PCNT: variants seen among roughly 807,000 people sequenced by gnomAD.
PCNT encodes pericentrin.
In PCNT, 319 loss-of-function variants were observed where a neutral mutation model predicts 380.4. That is an observed-to-expected ratio of 0.84 (90% CI 0.77 to 0.92). The LOEUF (loss-of-function observed/expected upper bound fraction) is 0.92. Among genes scored for constraint, PCNT ranks in the 40% least tolerant of loss-of-function variants. PCNT has a pLI of 0.00. For missense variants in PCNT, 4,400 were observed against 4,255.3 expected (o/e 1.03, Z -0.95); for synonymous variants, 1,845 against 1,735.2 (o/e 1.06, Z -1.57).
In PCNT at chr21:46,346,956, C is replaced by G. The variant is rs572076735; in HGVS notation, c.934C>G (p.Arg312Gly). The G allele has an allele frequency of 3.1e-6, 5 of 1,596,716 alleles. No individual in the cohort carries two copies. The highest frequency in any genetic ancestry group is 1.1e-5 in the South Asian group (1 of 87,960). The part of the protein sequence containing the change: ...ELELLREQHA[R>G]EKEEVVLRCG... ...GGAGCTCCTCAGGGAGCAGCACGCACGGGAGAAGGAGGAGGTGGTGCTCAG... is the reference window on the plus strand; with the variant it reads ...GGAGCTCCTCAGGGAGCAGCACGCAGGGGAGAAGGAGGAGGTGGTGCTCAG... Residue 312 changes from arginine (R) to glycine (G), a missense_variant, in exon 5 of 47, where the codon CGG becomes GGG. Physicochemically the swap from Arg to Gly is moderately radical, Grantham distance 125 (BLOSUM62 -2). Coordinates refer to ENST00000359568, the MANE Select transcript of PCNT (RefSeq NM_006031.6).
intron 42 of PCNT, among the ~76,000 whole-genome samples, 185 bp from the exon 43 acceptor site, chr21:46,440,670 A>G (rs943485925): frequency 6.6e-6 from 1 of 152,226 alleles, no homozygotes; most frequent in Non-Finnish European, 1.5e-5. Context: ...GACAAACACA[A>G]ATTGATCTTC....
chr21:46,406,150 C>G (rs540527957), intron 27 of PCNT, among the ~76,000 whole-genome samples: 14 of 152,328 alleles, frequency 9.2e-5, no homozygotes, highest in Admixed American at 8.5e-4. Context: ...GGAAACGGAG[C>G]TCCCGTCTCC....
intron 27 of PCNT, among the ~76,000 whole-genome samples, chr21:46,403,545 G>T (rs112575998): frequency 2.2e-5 from 3 of 135,480 alleles, no homozygotes; most frequent in Admixed American, 7.3e-5. Flanking sequence ...TGAACACAGC[G>T]TGGGAGAATT....
intron 5 of PCNT, 21 bp from the exon 6 acceptor site, chr21:46,347,435 CT>C (rs778209626): frequency 6.2e-6 from 10 of 1,613,614 alleles, no homozygotes; most frequent in Admixed American, 5.0e-5. Flanking sequence ...GTGGCCTGAG[CT>C]GCTTTTTGTT....
At chr21:46,401,872 C>CA (rs1174837736) in intron 26 of PCNT, 151 bp downstream of exon 26, 7 of 805,508 alleles carry the variant, frequency 8.7e-6, no homozygotes, top group African/African-American at 1.7e-5. Context: ...TTGTTTGAGA[C>CA]AGAGTTTTGC....
chr21:46,325,268 C>G (rs1821015697), intron 1 of PCNT: 2 of 926,010 alleles, frequency 2.2e-6, no homozygotes, highest in East Asian at 1.2e-4. Context: ...GAGCGGGGCT[C>G]CCGGGCACGG....
rs769557050 is a variant in PCNT, at chr21:46,436,469, G to GCCCCCCCCCC, written c.8996+321_8996+322insCCCCCCCCCC. Among the ~76,000 whole-genome samples the GCCCCCCCCCC allele has an allele frequency of 2.8e-3, 112 of 40,034 alleles. 49 individuals carry two copies. The highest frequency in any genetic ancestry group is 4.1e-3 in the Non-Finnish European group (71 of 17,222). 26.3% of individuals were successfully genotyped at this position (40,034 alleles called of 152,430 possible). A position where few individuals can be genotyped will look rare whatever the true frequency, so the allele number is the denominator to read the frequency against. On this transcript the variant is annotated intron_variant, in intron 39 of 46. Coordinates refer to ENST00000359568, the MANE Select transcript of PCNT (RefSeq NM_006031.6). ...CAGGGTCGGGTTTGGAGCCTCCTGT[G>GCCCCCCCCCC]GCCCCCCCCCCCCCCCCCCGCTGGC...
At position 46,351,312 on chromosome 21, in the gene PCNT, G is replaced by A. The variant is rs1038231759; in HGVS notation, c.1345-117G>A. 6.6e-6 allele frequency: 5 copies of A among 752,632 alleles called. No individual in the cohort carries two copies. The African/African-American group carries it at 6.8e-5, about 10-fold the overall frequency. The allele number at this position is 752,632 out of a possible 1,614,324, so 46.6% of individuals were successfully genotyped here. ...CTGGCTTTCTCCGAGCTGCAGGTTT[G>A]GGATGTGAGCTTTTACCCTTAGGAT... On this transcript the variant is annotated intron_variant, in intron 8 of 46. Transcript: ENST00000359568.
At chr21:46,419,235 AGCTTTTT>A (rs965298489) in intron 31 of PCNT, among the ~76,000 whole-genome samples, 1 of 152,154 alleles carries the variant, frequency 6.6e-6, no homozygotes, top group African/African-American at 2.4e-5. Flanking sequence ...TAGGGCCAGC[AGCTTTTT>A]AATTTTGTTT....
rs758977418 is a variant in PCNT at position 46,412,048 on chromosome 21, C to T, written c.5975C>T (p.Pro1992Leu). The change falls in exon 28 of 47, where the codon CCG becomes CTG. Residue 1992 changes from proline (P) to leucine (L), a missense_variant. Coordinates refer to ENST00000359568, the MANE Select transcript of PCNT (RefSeq NM_006031.6). The stretch of plus-strand genomic sequence containing the variant: ...GCCTCCCATGATGCTGCTTTGGAGC[C>T]GGTTGTCCCTGACCCACAGGTGGGC... ...VEASHDAALEPVVPDPQGDLQ... is the reference protein window; with the variant it reads ...VEASHDAALELVVPDPQGDLQ... 3.2e-5 allele frequency: 52 copies of T among 1,607,534 alleles called. No individual in the cohort carries two copies. The highest frequency in any genetic ancestry group is 7.7e-5 in the South Asian group (7 of 91,008).
chr21:46,347,592 T>C, intron 6 of PCNT, 80 bp downstream of exon 6: 2 of 1,276,230 alleles, frequency 1.6e-6, no homozygotes, highest in Non-Finnish European at 2.3e-6. Flanking sequence ...AGAACGCTCC[T>C]CACCTTGATT....
At position 46,437,072 on chromosome 21, in the gene PCNT, CTCCTCCCA is replaced by C. The variant is rs1569307377; in HGVS notation, c.9091_9098del (p.Ser3031GlufsTer42). On this transcript the variant is annotated frameshift_variant and splice_region_variant, in exon 40 of 47. Transcript: ENST00000359568. LOFTEE classifies it high-confidence loss of function. ...TGAAGTCTGACTTGAGCAGGCCCAC[CTCCTCCCA>C]GGTAAGGGGTGAGCGCCCCCAGGTC... 1 of 1,613,152 alleles carries C rather than the reference CTCCTCCCA, an allele frequency of 6.2e-7. No individual in the cohort carries two copies. Among genetic ancestry groups the C allele is most frequent in the South Asian group, 1.1e-5 (1 of 91,052 alleles).
chr21:46,412,612 T>C (rs1229066390), intron 28 of PCNT, among the ~76,000 whole-genome samples: 1 of 152,188 alleles, frequency 6.6e-6, no homozygotes, highest in Non-Finnish European at 1.5e-5. Flanking sequence ...CCAGTCCACC[T>C]TGCTCTGTGG....
intron 11 of PCNT, among the ~76,000 whole-genome samples, chr21:46,354,563 G>A (rs548045766): frequency 1.3e-5 from 2 of 152,340 alleles, no homozygotes; most frequent in South Asian, 2.1e-4. Context: ...CCAGCAGTAT[G>A]TGTGGCTGTG....
chr21:46,445,548 C>G lies in PCNT; in HGVS notation c.*221C>G, dbSNP rs1013799749. 1.4e-5 allele frequency: 8 copies of G among 586,200 alleles called. No homozygotes were observed. The highest frequency in any genetic ancestry group is 2.4e-5 in the Non-Finnish European group (8 of 329,012). The allele number at this position is 586,200 out of a possible 1,614,324, so 36.3% of individuals were successfully genotyped here. A position where few individuals can be genotyped will look rare whatever the true frequency, so the allele number is the denominator to read the frequency against. ...CCTCCGTATGTTTTAGGCCCATGAC[C>G]TTCGTGAGGTGACGGGCACTCACTC... On this transcript the variant is annotated 3_prime_UTR_variant, in exon 47 of 47. Transcript: ENST00000359568.
In PCNT at chr21:46,334,638, G is replaced by C. The variant is rs761232554; in HGVS notation, c.509G>C (p.Gly170Ala). The part of the protein sequence containing the change: ...TVSDHPPEQR[G>A]MFTISDHQPE... ...AGTGACCACCCACCAGAACAGCGTG[G>C]GATGTTCACAATCAGTGACCACCAA... is the stretch of plus-strand genomic sequence containing the variant. Residue 170 changes from glycine to alanine, a missense_variant, in exon 3 of 47, where the codon GGG (glycine) becomes GCG (alanine). Physicochemically the swap from Gly to Ala is moderately conservative, Grantham distance 60 (BLOSUM62 0). Transcript: ENST00000359568. The C allele has an allele frequency of 9.3e-6, 15 of 1,604,582 alleles. No homozygotes were observed. The East Asian group carries it at 3.1e-4, about 34-fold the overall frequency.
chr21:46,444,373 GACAA>G (rs2053694875), intron 45 of PCNT, among the ~76,000 whole-genome samples: 1 of 152,202 alleles, frequency 6.6e-6, no homozygotes. Flanking sequence ...GTATCACCCT[GACAA>G]ACAGTTTGGG....
chr21:46,360,914 T>G (rs2084691874), intron 13 of PCNT, among the ~76,000 whole-genome samples: 1 of 152,222 alleles, frequency 6.6e-6, no homozygotes, highest in African/African-American at 2.4e-5. Flanking sequence ...GTGGTTGATT[T>G]AGGTCTTCCG....
intron 36 of PCNT, 92 bp downstream of exon 36, chr21:46,430,324 G>T (rs1306555816): frequency 7.1e-7 from 1 of 1,415,914 alleles, no homozygotes; most frequent in Non-Finnish European, 9.7e-7. Flanking sequence ...ACCTCTGGTG[G>T]GCCGCAGTTG....
Sources: allele counts gnomAD v4.1 joint callset (sites outside exome capture counted in the v4.1 genomes callset), GRCh38; gene constraint gnomAD v4.1.1; transcripts MANE v1.5; gene names NCBI Gene and HGNC (gene_info 2026-07-23, HGNC 2026-07-21).